The following PCDHGB6 variants were observed in gnomAD, a reference collection of about 807,000 sequenced individuals.
The protein encoded by PCDHGB6 is protocadherin gamma-B6.
Under a neutral mutation model 59.1 loss-of-function variants are expected in PCDHGB6, and 51 were observed. That is an observed-to-expected ratio of 0.86 (90% CI 0.69 to 1.09). The LOEUF (loss-of-function observed/expected upper bound fraction) is 1.09, where lower values mean the gene tolerates loss of function less well. PCDHGB6 is among the 50% of genes least tolerant of loss of function. PCDHGB6 has a pLI of 0.00. For synonymous variants in PCDHGB6, 466 were observed against 495.1 expected, an observed-to-expected ratio of 0.94 and a Z score of 0.78; for missense variants, 1,148 against 1,205.1, an observed-to-expected ratio of 0.95 and a Z score of 0.70.
At chr5:141,443,547 T>C (rs1210940890) in intron 1 of PCDHGB6, among the ~76,000 whole-genome samples, 2 of 152,192 alleles carry the variant, frequency 1.3e-5, no homozygotes, top group Non-Finnish European at 2.9e-5. Context: ...TGGGAAATTG[T>C]TCCAATTCAA....
At chr5:141,419,348 G>A (rs1195474899) in intron 1 of PCDHGB6, 1 of 1,613,816 alleles carries the variant, frequency 6.2e-7, no homozygotes, top group Non-Finnish European at 8.5e-7. Context: ...CAGCGACCTG[G>A]AGTCACGAAC....
intron 1 of PCDHGB6, chr5:141,413,663 A>T: frequency 6.2e-7 from 1 of 1,613,844 alleles, no homozygotes; most frequent in Non-Finnish European, 8.5e-7. Flanking sequence ...GAAGCTATTG[A>T]TCCGGATGTG....
At chr5:141,472,003 A>T (rs1450802255) in intron 1 of PCDHGB6, among the ~76,000 whole-genome samples, 1 of 152,176 alleles carries the variant, frequency 6.6e-6, no homozygotes, top group Non-Finnish European at 1.5e-5. Context: ...CCTGCATCGT[A>T]TAGGGGCACT....
chr5:141,437,794 G>C (rs1162440523), intron 1 of PCDHGB6, among the ~76,000 whole-genome samples: 1 of 150,526 alleles, frequency 6.6e-6, no homozygotes, highest in Non-Finnish European at 1.5e-5. Context: ...CTGGAGTGCA[G>C]TGGCACTATC....
intron 1 of PCDHGB6, chr5:141,422,942 G>C (rs199976232): frequency 6.2e-7 from 1 of 1,614,214 alleles, no homozygotes; most frequent in East Asian, 2.2e-5. Flanking sequence ...CCCACAGACG[G>C]CTCCACTGGC....
chr5:141,479,703 C>T (rs1219257838), intron 1 of PCDHGB6: 1 of 152,182 alleles, frequency 6.6e-6, no homozygotes, highest in African/African-American at 2.4e-5. Context: ...AGTGTTAGTC[C>T]CTGTCCTTCC....
At chr5:141,428,081 C>G (rs768842388) in intron 1 of PCDHGB6, 3 of 1,609,218 alleles carry the variant, frequency 1.9e-6, no homozygotes, top group South Asian at 2.2e-5. Context: ...CGGGACACAA[C>G]GCTTGGCTGT....
intron 1 of PCDHGB6, among the ~76,000 whole-genome samples, chr5:141,483,630 G>A (rs2099583876): frequency 6.7e-6 from 1 of 149,714 alleles, no homozygotes; most frequent in African/African-American, 2.5e-5. Flanking sequence ...ATGGGAGAAG[G>A]TATAGAGGGG....
chr5:141,460,126 T>TC (rs2098982804), intron 1 of PCDHGB6, among the ~76,000 whole-genome samples: 1 of 151,986 alleles, frequency 6.6e-6, no homozygotes, highest in South Asian at 2.1e-4. Context: ...ATATATGTAA[T>TC]ATATATATTC....
chr5:141,504,550 G>A (rs944574179), intron 2 of PCDHGB6, among the ~76,000 whole-genome samples: 2 of 151,586 alleles, frequency 1.3e-5, no homozygotes, highest in Non-Finnish European at 2.9e-5. Context: ...GCAAATGTTG[G>A]GGGACTGGCA....
Position 141,485,950 on chromosome 5 carries a change from G to A in PCDHGB6, c.2419-8857G>A. ...TGTTGGAGAGCGCACCAGCGGGCAT[G>A]GTGCTCATCCAGCTCAATGCCTCAG... On this transcript the variant is annotated intron_variant, in intron 1 of 3. Transcript: ENST00000520790. The surrounding 1 kb of genome is among the most constrained non-coding windows in gnomAD (Gnocchi z 5.7). 6.2e-7 allele frequency: 1 copy of A among 1,614,184 alleles called. No individual in the cohort carries two copies. The highest frequency in any genetic ancestry group is 8.5e-7 in the Non-Finnish European group (1 of 1,180,030).
intron 1 of PCDHGB6, among the ~76,000 whole-genome samples, chr5:141,438,623 TATATATATATATACACACAC>T (rs1272037524): frequency 7.0e-5 from 3 of 42,840 alleles, no homozygotes; most frequent in African/African-American, 1.6e-4. Flanking sequence ...TATATATATA[TATATATATATATACACACAC>T]ACACACACAT....
intron 2 of PCDHGB6, among the ~76,000 whole-genome samples, chr5:141,498,191 A>G (rs2099782212): frequency 6.6e-6 from 1 of 152,270 alleles, no homozygotes; most frequent in African/African-American, 2.4e-5. Flanking sequence ...CAAATTAACC[A>G]GCTAAAGAAA....
At position 141,490,475 on chromosome 5, in the gene PCDHGB6, T is replaced by C. The variant is rs769951029; in HGVS notation, c.2419-4332T>C. On this transcript the variant is annotated intron_variant, in intron 1 of 3. Coordinates refer to ENST00000520790, the MANE Select transcript of PCDHGB6 (RefSeq NM_018926.3). This position sits in a 1 kb window ranked among gnomAD's most constrained non-coding sequence, Gnocchi z 5.4. ...TACTCGCTGCTAACCAGCCAGCCTTTGGACCGGGAGGCCACATCCCACTAT... is the reference window on the plus strand; with the variant it reads ...TACTCGCTGCTAACCAGCCAGCCTTCGGACCGGGAGGCCACATCCCACTAT... The C allele has an allele frequency of 3.7e-6, 6 of 1,614,240 alleles. No individual in the cohort carries two copies. The highest frequency in any genetic ancestry group is 5.1e-6 in the Non-Finnish European group (6 of 1,180,038).
At position 141,502,487 on chromosome 5, in the gene PCDHGB6, C is replaced by T. The variant is rs563658817; in HGVS notation, c.2478-2906C>T. ...TACTTCCCGCAGCATCACACTGGGACTCATCTAACGTCGGCCTGTCCCACT... is the reference window on the plus strand; with the variant it reads ...TACTTCCCGCAGCATCACACTGGGATTCATCTAACGTCGGCCTGTCCCACT... On this transcript the variant is annotated intron_variant, in intron 2 of 3. Coordinates refer to ENST00000520790, the MANE Select transcript of PCDHGB6 (RefSeq NM_018926.3). Among the ~76,000 whole-genome samples, 92 of 152,298 alleles carry T rather than the reference C, an allele frequency of 6.0e-4. 3 individuals are homozygous for T. The highest frequency in any genetic ancestry group is 1.5e-4 in the Non-Finnish European group (10 of 68,030).
intron 1 of PCDHGB6, 103 bp downstream of exon 1, chr5:141,410,723 T>G: frequency 7.2e-7 from 1 of 1,391,168 alleles, no homozygotes; most frequent in Non-Finnish European, 9.6e-7. Context: ...ATGTTTAAAA[T>G]CCATAGCTTT....
intron 2 of PCDHGB6, among the ~76,000 whole-genome samples, chr5:141,504,039 AC>A (rs1396515708): frequency 6.6e-6 from 1 of 152,184 alleles, no homozygotes; most frequent in African/African-American, 2.4e-5. Context: ...CATTTAGGCA[AC>A]AAATATTTAT....
intron 1 of PCDHGB6, among the ~76,000 whole-genome samples, chr5:141,459,971 A>G (rs1458539493): frequency 2.6e-5 from 4 of 152,208 alleles, no homozygotes; most frequent in Non-Finnish European, 5.9e-5. Flanking sequence ...CCAGCTACTC[A>G]GGAGGCTGAG....
At chr5:141,499,287 C>T (rs896428388) in intron 2 of PCDHGB6, among the ~76,000 whole-genome samples, 3 of 152,184 alleles carry the variant, frequency 2.0e-5, no homozygotes, top group Non-Finnish European at 2.9e-5. Context: ...CTGATGGCTC[C>T]ACACTACCAT....
Sources: allele counts gnomAD v4.1 joint callset (sites outside exome capture counted in the v4.1 genomes callset), GRCh38; gene constraint gnomAD v4.1.1; non-coding constraint Gnocchi (gnomAD v3.1); transcripts MANE v1.5; gene names NCBI Gene and HGNC (gene_info 2026-07-23, HGNC 2026-07-21).